ADAM19: variants seen among roughly 807,000 people sequenced by gnomAD.
The protein encoded by ADAM19 is ADAM metallopeptidase domain 19, also known as disintegrin and metalloproteinase domain-containing protein 19.
In ADAM19, 65 loss-of-function variants were observed where a neutral mutation model predicts 114.7. That is an observed-to-expected ratio of 0.57 (90% confidence interval 0.46 to 0.70). The LOEUF (loss-of-function observed/expected upper bound fraction) is 0.70, where lower values mean the gene tolerates loss of function less well. Among genes scored for constraint, ADAM19 ranks in the 30% least tolerant of loss-of-function variants. ADAM19 has a pLI of 0.00. For synonymous variants in ADAM19, 466 were observed against 460.5 expected (o/e 1.01, Z -0.15); for missense variants, 1,063 against 1,204.7 (o/e 0.88, Z 1.74).
At position 157,554,855 on chromosome 5, in the gene ADAM19, G is replaced by A. The variant is rs76590781; in HGVS notation, c.251+9518C>T. ...AAACTGAGACTCTCAAAGGTTGAGC[G>A]ACTTGCCAAAGCTTACACCTCCAGG... is the stretch of plus-strand genomic sequence containing the variant. On this transcript the variant is annotated intron_variant, in intron 3 of 22. Coordinates refer to ENST00000257527, the MANE Select transcript of ADAM19 (RefSeq NM_033274.5). 2.4e-4 allele frequency among the ~76,000 whole-genome samples: 36 copies of A among 152,290 alleles called. No individual in the cohort carries two copies. In the East Asian group the frequency reaches 5.6e-3, roughly 24 times the overall value.
At chr5:157,529,021 A>G (rs1405111601) in intron 5 of ADAM19, among the ~76,000 whole-genome samples, 2 of 152,238 alleles carry the variant, frequency 1.3e-5, no homozygotes, top group African/African-American at 2.4e-5. Context: ...ACCAGAGCCA[A>G]TCAAAGGCAT....
intron 5 of ADAM19, among the ~76,000 whole-genome samples, chr5:157,522,824 G>T (rs1401068653): frequency 2.6e-5 from 4 of 152,084 alleles, no homozygotes; most frequent in African/African-American, 9.7e-5. Flanking sequence ...GAATTAGAAA[G>T]ATACCACCAG....
intron 13 of ADAM19, 47 bp downstream of exon 13, chr5:157,499,526 C>A: frequency 6.6e-7 from 1 of 1,520,510 alleles, no homozygotes; most frequent in South Asian, 1.1e-5. Context: ...GTCCTGTGGT[C>A]CCACTGTCAG....
rs1754687482 is a variant in ADAM19 at position 157,479,604 on chromosome 5, C to T, written c.*1345G>A. The stretch of plus-strand genomic sequence containing the variant: ...CAGGAGCCACCGCAGACCCCCTCAC[C>T]TGCTCAGAGCTCTCTTTCTGTGAGG... On this transcript the variant is annotated 3_prime_UTR_variant, in exon 23 of 23. Coordinates refer to ENST00000257527, the MANE Select transcript of ADAM19 (RefSeq NM_033274.5). 3 of 985,778 alleles carry T rather than the reference C, an allele frequency of 3.0e-6. No homozygotes were observed. The South Asian group carries it at 1.4e-4, about 46-fold the overall frequency. 61.1% of individuals were successfully genotyped at this position (985,778 alleles called of 1,614,324 possible).
chr5:157,561,070 C>T (rs990926860), intron 3 of ADAM19, among the ~76,000 whole-genome samples: 9 of 152,146 alleles, frequency 5.9e-5, no homozygotes. Context: ...CAGGAATAAC[C>T]GACACAAAAG....
intron 3 of ADAM19, among the ~76,000 whole-genome samples, chr5:157,543,136 A>C (rs77372450): frequency 0.049 from 7,397 of 152,146 alleles, 248 homozygotes; most frequent in Middle Eastern, 0.099. Context: ...ATACACACAC[A>C]CCGCCACACA....
At chr5:157,553,795 T>C (rs1408084969) in intron 3 of ADAM19, among the ~76,000 whole-genome samples, 1 of 152,102 alleles carries the variant, frequency 6.6e-6, no homozygotes, top group East Asian at 1.9e-4. Flanking sequence ...TATGTCACCA[T>C]TAAAAAGAAT....
intron 21 of ADAM19, among the ~76,000 whole-genome samples, chr5:157,486,779 T>A (rs1754947071): frequency 6.6e-6 from 1 of 151,870 alleles, no homozygotes; most frequent in East Asian, 1.9e-4. Context: ...GGGACTGAAC[T>A]GTGCACTCAT....
intron 4 of ADAM19, among the ~76,000 whole-genome samples, chr5:157,536,918 C>A (rs1336835017): frequency 3.3e-5 from 5 of 152,200 alleles, no homozygotes; most frequent in African/African-American, 1.2e-4. Context: ...AGGCAAAGGC[C>A]ACTGCTGCTC....
At chr5:157,508,994 C>A (rs1449292097) in intron 9 of ADAM19, among the ~76,000 whole-genome samples, 4 of 152,260 alleles carry the variant, frequency 2.6e-5, no homozygotes, top group African/African-American at 9.6e-5. Context: ...TAAGACCTGA[C>A]CAACAGTCAG....
chr5:157,490,514 A>C (rs890328535), intron 18 of ADAM19, 60 bp from the exon 19 acceptor site: 4 of 1,578,642 alleles, frequency 2.5e-6, no homozygotes, highest in Non-Finnish European at 3.5e-6. Context: ...AGCAGATTTC[A>C]AAATAGGTAT....
chr5:157,570,759 A>G (rs551325297), intron 2 of ADAM19, 136 bp downstream of exon 2: 1 of 674,902 alleles, frequency 1.5e-6, no homozygotes, highest in South Asian at 1.9e-5. Flanking sequence ...GTGATCTCCA[A>G]AATGGGCACC....
intron 5 of ADAM19, among the ~76,000 whole-genome samples, chr5:157,526,901 G>A (rs997612654): frequency 3.9e-5 from 6 of 152,130 alleles, no homozygotes; most frequent in South Asian, 2.1e-4. Flanking sequence ...AATTACAGGC[G>A]TGAGCCACCG....
chr5:157,478,065 G>A lies in ADAM19; in HGVS notation c.*2884C>T, dbSNP rs1754645781. 1 of 190,526 alleles carries A rather than the reference G, an allele frequency of 5.2e-6. No homozygotes were observed. The highest frequency in any genetic ancestry group is 2.4e-5 in the African/African-American group (1 of 42,528). The allele number at this position is 190,526 out of a possible 1,614,324, so 11.8% of individuals were successfully genotyped here. A position where few individuals can be genotyped will look rare whatever the true frequency, so the allele number is the denominator to read the frequency against. On this transcript the variant is annotated 3_prime_UTR_variant, in exon 23 of 23. Coordinates refer to ENST00000257527, the MANE Select transcript of ADAM19 (RefSeq NM_033274.5). The stretch of plus-strand genomic sequence containing the variant: ...GAGACAGGGCACTAAATCCCTTGAG[G>A]TTTGTTTTAGAGATGGCTCCAAGGC...
At chr5:157,499,872 G>A (rs1233315148) in intron 12 of ADAM19, among the ~76,000 whole-genome samples, 1 of 149,924 alleles carries the variant, frequency 6.7e-6, no homozygotes, top group Non-Finnish European at 1.5e-5. Flanking sequence ...TCTGCTTCCT[G>A]GTTTCAAGCG....
rs189153772 is a variant in ADAM19, at chr5:157,479,319, G to A, written c.*1630C>T. On this transcript the variant is annotated 3_prime_UTR_variant, in exon 23 of 23. Coordinates refer to ENST00000257527, the MANE Select transcript of ADAM19 (RefSeq NM_033274.5). ...ATTGTGTGCAGAGAACTATAAGGAGGCCCTGGGGTGGTGAATCAGAAGCTC... is the reference window on the plus strand; with the variant it reads ...ATTGTGTGCAGAGAACTATAAGGAGACCCTGGGGTGGTGAATCAGAAGCTC... 80 of 985,926 alleles carry A rather than the reference G, an allele frequency of 8.1e-5. No individual in the cohort carries two copies. The African/African-American group carries it at 1.3e-3, about 15-fold the overall frequency. The allele number at this position is 985,926 out of a possible 1,614,324, so 61.1% of individuals were successfully genotyped here. A position where few individuals can be genotyped will look rare whatever the true frequency, so the allele number is the denominator to read the frequency against.
intron 2 of ADAM19, chr5:157,568,930 G>A (rs1251352511): frequency 2.0e-5 from 3 of 152,096 alleles, no homozygotes; most frequent in East Asian, 3.9e-4. Context: ...CAATGGTTGG[G>A]AACAAAGACA....
chr5:157,570,542 C>T, intron 2 of ADAM19: 1 of 176,966 alleles, frequency 5.7e-6, no homozygotes, highest in Non-Finnish European at 1.2e-5. Flanking sequence ...GTACATTATT[C>T]CTTCAAGAAA....
At chr5:157,568,479 T>C (rs1275827468) in intron 2 of ADAM19, 2 of 152,214 alleles carry the variant, frequency 1.3e-5, no homozygotes, top group East Asian at 1.9e-4. Flanking sequence ...CTCCACTCTG[T>C]ATTAAGAAGA....
Sources: gnomAD v4.1 joint callset for allele counts (sites outside exome capture counted in the v4.1 genomes callset) on GRCh38, gnomAD v4.1.1 for gene constraint, MANE v1.5 for transcripts, NCBI Gene and HGNC (gene_info 2026-07-23, HGNC 2026-07-21) for gene names.